The following SPEG variants were observed in gnomAD, a reference collection of about 807,000 sequenced individuals.
The protein encoded by SPEG is striated muscle enriched protein kinase, also known as striated muscle preferentially expressed protein kinase.
Under a neutral mutation model 300.4 loss-of-function variants are expected in SPEG, and 114 were observed. The observed-to-expected ratio is 0.38, with a 90% CI of 0.33 to 0.44. The LOEUF (loss-of-function observed/expected upper bound fraction) is 0.44. Ranked by LOEUF, SPEG falls within the 20% of genes least tolerant of loss-of-function variation. SPEG has a pLI of 1.00. For missense variants in SPEG, 4,201 were observed against 4,586.2 expected (o/e 0.92, Z 2.43); for synonymous variants, 1,964 against 2,018.9 (o/e 0.97, Z 0.73).
chr2:219,478,278 A>T (rs948882019), intron 22 of SPEG, among the ~76,000 whole-genome samples, 173 bp downstream of exon 22: 7 of 152,258 alleles, frequency 4.6e-5, no homozygotes, highest in Non-Finnish European at 1.0e-4. Context: ...TTGTTAGCTT[A>T]AATTTTCATA....
At position 219,464,121 on chromosome 2, in the gene SPEG, T is replaced by TA. The variant is rs113435783; in HGVS notation, c.2706-296dup. ...CTGGGTGACAGAGGGAAACCCTGTT[T>TA]AAAAAAAAAAAAAAAAGACAAGAAA... On this transcript the variant is annotated intron_variant, in intron 8 of 40. Transcript: ENST00000312358. This position sits in a 1 kb window ranked among gnomAD's most constrained non-coding sequence, Gnocchi z 4.5. Among the ~76,000 whole-genome samples, 4,259 of 130,328 alleles carry TA rather than the reference T, an allele frequency of 0.033. 172 individuals carry two copies. The highest frequency in any genetic ancestry group is 0.1 in the African/African-American group (3,729 of 35,744). The allele number at this position is 130,328 out of a possible 152,430, so 85.5% of individuals were successfully genotyped here. A position where few individuals can be genotyped will look rare whatever the true frequency, so the allele number is the denominator to read the frequency against.
intron 3 of SPEG, among the ~76,000 whole-genome samples, chr2:219,447,168 C>T (rs768325191): frequency 6.6e-6 from 1 of 151,770 alleles, no homozygotes; most frequent in Non-Finnish European, 1.5e-5. Flanking sequence ...TTCAGGCCCA[C>T]TTAGTAGCTA....
In SPEG at chr2:219,491,854, T is replaced by C; in HGVS notation, c.9446T>C (p.Val3149Ala). ...GCCACGGACATCTGGGGAGCGGGTG[T>C]GCTCACTTACATTATGTGAGTGTCC... Reference protein sequence around the residue: ...GSATDIWGAGVLTYIMLSGRS... With the variant: ...GSATDIWGAGALTYIMLSGRS... The change falls in exon 39 of 41, where the codon GTG (valine) becomes GCG (alanine). Residue 3149 changes from valine to alanine, a missense_variant. Coordinates refer to ENST00000312358, the MANE Select transcript of SPEG (RefSeq NM_005876.5). 1.9e-6 allele frequency: 3 copies of C among 1,610,776 alleles called. No homozygotes were observed. The highest frequency in any genetic ancestry group is 2.5e-6 in the Non-Finnish European group (3 of 1,178,538).
At chr2:219,466,785 CA>C (rs1691401106) in intron 9 of SPEG, 1 of 1,016,942 alleles carries the variant, frequency 9.8e-7, no homozygotes, top group African/African-American at 1.7e-5. Flanking sequence ...GGAGCAGGGG[CA>C]GGGGGCCACT....
Position 219,473,357 on chromosome 2 carries a change from C to T in SPEG, c.4148-147C>T, listed in dbSNP as rs935788158. The T allele has an allele frequency of 4.6e-6, 4 of 875,014 alleles. No individual in the cohort carries two copies. Among genetic ancestry groups the T allele is most frequent in the Non-Finnish European group, 7.1e-6 (4 of 565,228 alleles). The allele number at this position is 875,014 out of a possible 1,614,324, so 54.2% of individuals were successfully genotyped here. ...CTTTGCTGCTCTCTGGCTGTGTTCC[C>T]CTGACAAATCGCTAAACCTCTCTGA... On this transcript the variant is annotated intron_variant, in intron 16 of 40. Coordinates refer to ENST00000312358, the MANE Select transcript of SPEG (RefSeq NM_005876.5). This position sits in a 1 kb window ranked among gnomAD's most constrained non-coding sequence, Gnocchi z 4.6.
chr2:219,475,459 G>A (rs1575142147), intron 18 of SPEG, among the ~76,000 whole-genome samples: 1 of 152,234 alleles, frequency 6.6e-6, no homozygotes, highest in East Asian at 1.9e-4. Context: ...GAGGGGAGGC[G>A]TCTGTGAAGT....
chr2:219,485,496 G>C lies in SPEG; in HGVS notation c.7741+19G>C, dbSNP rs1248568058. 1.3e-6 allele frequency: 2 copies of C among 1,532,626 alleles called. No individual in the cohort carries two copies. Among genetic ancestry groups the C allele is most frequent in the Non-Finnish European group, 1.8e-6 (2 of 1,137,444 alleles). The allele number at this position is 1,532,626 out of a possible 1,614,324, so 94.9% of individuals were successfully genotyped here. On this transcript the variant is annotated intron_variant, in intron 31 of 40. Transcript: ENST00000312358. ...GAGTCAGGTAATAAGAGGCCTGCTG[G>C]GTGAGGACCCTCCTCCCCTCCTGCC...
intron 18 of SPEG, among the ~76,000 whole-genome samples, chr2:219,475,060 TAGATGTGAGC>T (rs1236874401): frequency 6.6e-6 from 1 of 152,100 alleles, no homozygotes; most frequent in Non-Finnish European, 1.5e-5. Context: ...GCTGAGATTA[TAGATGTGAGC>T]CACCGCCTCG....
intron 1 of SPEG, among the ~76,000 whole-genome samples, chr2:219,437,577 C>T (rs532237880): frequency 2.0e-5 from 3 of 152,252 alleles, no homozygotes; most frequent in East Asian, 3.9e-4. Context: ...GACTGGGCTG[C>T]AGCAAATAAC....
At chr2:219,460,846 G>A (rs1439470453) in intron 6 of SPEG, 3 of 986,070 alleles carry the variant, frequency 3.0e-6, no homozygotes, top group East Asian at 1.1e-4. Context: ...GGTCAGCCGA[G>A]TGAGTGGGGC....
Position 219,449,193 on chromosome 2 carries a change from C to G in SPEG, c.2035C>G (p.Pro679Ala). 1 of 1,394,246 alleles carries G rather than the reference C, an allele frequency of 7.2e-7. No individual in the cohort carries two copies. The highest frequency in any genetic ancestry group is 1.6e-5 in the South Asian group (1 of 60,832). The allele number at this position is 1,394,246 out of a possible 1,614,324, so 86.4% of individuals were successfully genotyped here. A position where few individuals can be genotyped will look rare whatever the true frequency, so the allele number is the denominator to read the frequency against. ...RLRRGPEEDGPWGPWDRRGAR... is the reference protein window; with the variant it reads ...RLRRGPEEDGAWGPWDRRGAR... ...TCGCAGAGGGCCGGAGGAGGACGGT[C>G]CCTGGGGGCCCTGGGACCGCCGAGG... The change falls in exon 4 of 41, where the codon CCC (proline) becomes GCC (alanine). Residue 679 changes from proline (P) to alanine (A), a missense_variant. Coordinates refer to ENST00000312358, the MANE Select transcript of SPEG (RefSeq NM_005876.5).
At chr2:219,463,240 C>G (rs1315638388) in intron 8 of SPEG, among the ~76,000 whole-genome samples, 1 of 151,814 alleles carries the variant, frequency 6.6e-6, no homozygotes, top group African/African-American at 2.4e-5. Context: ...CAATTTGTTT[C>G]TGAGCTGCCA....
In SPEG at chr2:219,462,068, T is replaced by G. The variant is rs765621258; in HGVS notation, c.2616+11T>G. 7 of 1,591,548 alleles carry G rather than the reference T, an allele frequency of 4.4e-6. No homozygotes were observed. The highest frequency in any genetic ancestry group is 6.0e-6 in the Non-Finnish European group (7 of 1,171,498). Reference sequence around the variant, plus strand: ...CCCCCCACCTTCAAGGTCAGACCCCTGAGGCTGGGGCCTAGCCTCCTGTGT... The same window carrying G: ...CCCCCCACCTTCAAGGTCAGACCCCGGAGGCTGGGGCCTAGCCTCCTGTGT... On this transcript the variant is annotated intron_variant, in intron 7 of 40. Transcript: ENST00000312358.
In SPEG at chr2:219,451,654, C is replaced by A. The variant is rs767356198; in HGVS notation, c.2287C>A (p.Arg763Ser). The A allele has an allele frequency of 1.9e-6, 3 of 1,587,104 alleles. No individual in the cohort carries two copies. Among genetic ancestry groups the A allele is most frequent in the East Asian group, 2.3e-5 (1 of 43,966 alleles). ...VSWHKDGSAL[R>S]SEGRLLLRAE... ...CTGGCACAAGGATGGGTCAGCGCTGCGCAGCGAGGGCCGCCTCCTCCTCCG... is the reference window on the plus strand; with the variant it reads ...CTGGCACAAGGATGGGTCAGCGCTGAGCAGCGAGGGCCGCCTCCTCCTCCG... Residue 763 changes from arginine (R) to serine (S), a missense_variant, in exon 6 of 41, where the codon CGC becomes AGC. Arg to Ser is a moderately radical substitution (Grantham distance 110). Around this residue, in one of 4 missense-constraint regions of SPEG, gnomAD observed 1,258 missense variants for 1,293.9 expected, o/e 0.97. Coordinates refer to ENST00000312358, the MANE Select transcript of SPEG (RefSeq NM_005876.5). The surrounding 1 kb of genome is among the most constrained non-coding windows in gnomAD (Gnocchi z 6.4).
chr2:219,451,503 C>T lies in SPEG; in HGVS notation c.2258-122C>T, dbSNP rs1028130120. 1.7e-6 allele frequency: 2 copies of T among 1,189,806 alleles called. No individual in the cohort carries two copies. Among genetic ancestry groups the T allele is most frequent in the Non-Finnish European group, 1.1e-6 (1 of 884,288 alleles). 73.7% of individuals were successfully genotyped at this position (1,189,806 alleles called of 1,614,324 possible). Reference sequence around the variant, plus strand: ...TTCCCAAAATGAGGGCGGACTCTTCCAGATTCCCTGGGGTGCTGAGAGGAG... The same window carrying T: ...TTCCCAAAATGAGGGCGGACTCTTCTAGATTCCCTGGGGTGCTGAGAGGAG... On this transcript the variant is annotated intron_variant, in intron 5 of 40. Coordinates refer to ENST00000312358, the MANE Select transcript of SPEG (RefSeq NM_005876.5). This position sits in a 1 kb window ranked among gnomAD's most constrained non-coding sequence, Gnocchi z 6.4.
chr2:219,440,050 G>A (rs994097216), intron 1 of SPEG, among the ~76,000 whole-genome samples: 1 of 152,190 alleles, frequency 6.6e-6, no homozygotes, highest in Non-Finnish European at 1.5e-5. Flanking sequence ...AAGAACACCT[G>A]TATGCACCCA....
In SPEG at chr2:219,468,932, T is replaced by C. The variant is rs1374674807; in HGVS notation, c.3375T>C (p.His1125=). ...DGGLHSLHIA[H]VGSEDEGLYA... ...GTCTGCACTCACTGCACATTGCCCA[T>C]GTGGGCAGCGAGGACGAGGGGCTCT... Residue 1125 remains histidine (H), a synonymous_variant, in exon 12 of 41, where the codon CAT becomes CAC. Transcript: ENST00000312358. 3.1e-6 allele frequency: 5 copies of C among 1,613,790 alleles called. No homozygotes were observed. Among genetic ancestry groups the C allele is most frequent in the South Asian group, 1.1e-5 (1 of 91,092 alleles).
rs542443881 is a variant in SPEG, at chr2:219,478,080, C to G, written c.5002C>G (p.Arg1668Gly). Residue 1668 changes from arginine to glycine, a missense_variant, in exon 22 of 41, where the codon CGG (arginine) becomes GGG (glycine). This residue lies in a region of SPEG where 1,047 missense variants were observed against 1,356.8 expected (regional missense o/e 0.77). Coordinates refer to ENST00000312358, the MANE Select transcript of SPEG (RefSeq NM_005876.5). ...LYFHEAFERRRGLVIVTELCT... is the reference protein window; with the variant it reads ...LYFHEAFERRGGLVIVTELCT... Reference sequence around the variant, plus strand: ...CTTCCATGAGGCCTTCGAGAGGCGCCGGGGACTGGTCATTGTCACCGAGCT... The same window carrying G: ...CTTCCATGAGGCCTTCGAGAGGCGCGGGGGACTGGTCATTGTCACCGAGCT... 5.0e-6 allele frequency: 8 copies of G among 1,613,950 alleles called. No individual in the cohort carries two copies. In the South Asian group the frequency reaches 7.7e-5, roughly 16 times the overall value.
rs769001518 is a variant in SPEG, at chr2:219,480,553, G to A, written c.5343-118G>A. On this transcript the variant is annotated intron_variant, in intron 25 of 40. Coordinates refer to ENST00000312358, the MANE Select transcript of SPEG (RefSeq NM_005876.5). This position sits in a 1 kb window ranked among gnomAD's most constrained non-coding sequence, Gnocchi z 5.3. ...TGAAGAAGCCACTCCTGTGCCCATT[G>A]TCCATGGCAGTGTTCCCAGGGAGGT... is the stretch of plus-strand genomic sequence containing the variant. The A allele has an allele frequency of 1.6e-4, 166 of 1,037,216 alleles. No individual in the cohort carries two copies. Among genetic ancestry groups the A allele is most frequent in the Admixed American group, 1.7e-5 (1 of 58,102 alleles). The allele number at this position is 1,037,216 out of a possible 1,614,324, so 64.3% of individuals were successfully genotyped here.
Sources: gnomAD v4.1 joint callset for allele counts (sites outside exome capture counted in the v4.1 genomes callset) on GRCh38, gnomAD v4.1.1 for gene constraint, gnomAD v4.1.1 regional missense constraint, Gnocchi (gnomAD v3.1) non-coding constraint, MANE v1.5 for transcripts, NCBI Gene and HGNC (gene_info 2026-07-23, HGNC 2026-07-21) for gene names.